Variants in LRRC4C observed in about 807,000 individuals in gnomAD.
LRRC4C encodes leucine rich repeat containing 4C, also known as leucine-rich repeat-containing protein 4C.
Under a neutral mutation model 33.6 loss-of-function variants are expected in LRRC4C, and 5 were observed. That is an observed-to-expected ratio of 0.15 (90% CI 0.08 to 0.31). LRRC4C has a LOEUF of 0.31. Among genes scored for constraint, LRRC4C ranks in the 10% least tolerant of loss-of-function variants. The pLI is 1.00. For missense variants in LRRC4C, 560 were observed against 796.7 expected, an observed-to-expected ratio of 0.70 and a Z score of 3.58; for synonymous variants, 329 against 302.0, an observed-to-expected ratio of 1.09 and a Z score of -0.93.
At chr11:40,766,353 T>TAAAAAA (rs60152534) in intron 2 of LRRC4C, among the ~76,000 whole-genome samples, 30 of 33,912 alleles carry the variant, frequency 8.8e-4, no homozygotes, top group Non-Finnish European at 1.1e-3. Flanking sequence ...TTCAGTCTGT[T>TAAAAAA]AAAAAAAAAA....
chr11:40,967,646 A>G (rs1228967594), intron 1 of LRRC4C, among the ~76,000 whole-genome samples: 1 of 151,902 alleles, frequency 6.6e-6, no homozygotes, highest in Non-Finnish European at 1.5e-5. Flanking sequence ...TACTATTTTA[A>G]TTGTTTTGTA....
chr11:40,185,888 C>A (rs4073824), intron 5 of LRRC4C, among the ~76,000 whole-genome samples: 6,845 of 152,160 alleles, frequency 0.045, 300 homozygotes, highest in South Asian at 0.17. Flanking sequence ...GTCCCTCCCC[C>A]TTCCCGTGGT....
At chr11:40,727,518 A>G (rs1051289536) in intron 2 of LRRC4C, among the ~76,000 whole-genome samples, 3 of 152,196 alleles carry the variant, frequency 2.0e-5, no homozygotes, top group African/African-American at 7.2e-5. Flanking sequence ...CAAAGCATTT[A>G]TAACTGGGTC....
Position 40,115,086 on chromosome 11 carries a change from T to G in LRRC4C, c.1207A>C (p.Ile403Leu). The change falls in exon 7 of 7, where the codon ATA (isoleucine) becomes CTA (leucine). Residue 403 changes from isoleucine to leucine, a missense_variant. This residue lies in a region of LRRC4C where 455 missense variants were observed against 643.8 expected (regional missense o/e 0.71). Coordinates refer to ENST00000528697, the MANE Select transcript of LRRC4C (RefSeq NM_001258419.2). The surrounding 1 kb of genome is among the most constrained non-coding windows in gnomAD (Gnocchi z 6.7). Reference protein sequence around the residue: ...VMTHGAYKVRIAVLSDGTLNF... With the variant: ...VMTHGAYKVRLAVLSDGTLNF... ...AACGTACCATCACTGAGCACAGCTA[T>G]CCGCACTTTGTACGCCCCATGTGTC... The G allele has an allele frequency of 6.2e-7, 1 of 1,614,220 alleles. No individual in the cohort carries two copies. Among genetic ancestry groups the G allele is most frequent in the African/African-American group, 1.3e-5 (1 of 75,068 alleles).
intron 1 of LRRC4C, among the ~76,000 whole-genome samples, chr11:41,295,089 T>C (rs1239572855): frequency 1.3e-5 from 2 of 152,218 alleles, no homozygotes; most frequent in East Asian, 3.8e-4. Flanking sequence ...TTCTGTGATC[T>C]ATCATGAGAA....
intron 1 of LRRC4C, among the ~76,000 whole-genome samples, chr11:40,944,929 C>T (rs1428316245): frequency 6.6e-6 from 1 of 151,906 alleles, no homozygotes; most frequent in Non-Finnish European, 1.5e-5. Flanking sequence ...TAGGTATTCT[C>T]ATGCCACTAT....
rs867261338 is a variant in LRRC4C, at chr11:41,304,463, G to A, written c.-496+154968C>T. Among the ~76,000 whole-genome samples, 439 of 91,878 alleles carry A rather than the reference G, an allele frequency of 4.8e-3. 2 individuals are homozygous for A. Among genetic ancestry groups the A allele is most frequent in the African/African-American group, 0.019 (419 of 21,908 alleles). 60.3% of individuals were successfully genotyped at this position (91,878 alleles called of 152,430 possible). A position where few individuals can be genotyped will look rare whatever the true frequency, so the allele number is the denominator to read the frequency against. On this transcript the variant is annotated intron_variant, in intron 1 of 6. Coordinates refer to ENST00000528697, the MANE Select transcript of LRRC4C (RefSeq NM_001258419.2). ...AGGTGAGGGGCGCCTCTGCCCGGCC[G>A]CCCCTACTGGGAAGTGAGGAGCCCC...
chr11:40,547,306 A>T (rs751887473), intron 3 of LRRC4C, among the ~76,000 whole-genome samples: 1 of 152,090 alleles, frequency 6.6e-6, no homozygotes, highest in Non-Finnish European at 1.5e-5. Context: ...TTCTAAAATC[A>T]TGGCACTGAA....
chr11:40,114,832 G>A lies in LRRC4C; in HGVS notation c.1461C>T (p.Thr487=), dbSNP rs142652482. The A allele has an allele frequency of 2.5e-6, 4 of 1,613,936 alleles. No individual in the cohort carries two copies. The highest frequency in any genetic ancestry group is 2.5e-6 in the Non-Finnish European group (3 of 1,179,988). ...GTGGTGTGAGAGAGGTGGTCACATT[G>A]GTGGTCTCCCAGTCGACCACTGGAG... ...GPTPVVDWET[T]NVTTSLTPQS... Residue 487 remains threonine, a synonymous_variant, in exon 7 of 7, where the codon ACC becomes ACT. Transcript: ENST00000528697.
At chr11:40,655,326 T>G (rs1044393588) in intron 2 of LRRC4C, among the ~76,000 whole-genome samples, 1 of 152,236 alleles carries the variant, frequency 6.6e-6, no homozygotes, top group African/African-American at 2.4e-5. Flanking sequence ...GCTATTTGAA[T>G]GATCAAGTGC....
At chr11:41,020,770 A>G (rs913482648) in intron 1 of LRRC4C, among the ~76,000 whole-genome samples, 1 of 150,608 alleles carries the variant, frequency 6.6e-6, no homozygotes, top group Non-Finnish European at 1.5e-5. Flanking sequence ...ACCCTATCTC[A>G]CTCTGTTCTT....
intron 3 of LRRC4C, among the ~76,000 whole-genome samples, chr11:40,373,226 T>C (rs1948528809): frequency 6.6e-6 from 1 of 152,072 alleles, no homozygotes; most frequent in Non-Finnish European, 1.5e-5. Flanking sequence ...ATTTGTAAGG[T>C]AATATAGGAA....
intron 3 of LRRC4C, among the ~76,000 whole-genome samples, chr11:40,578,530 C>T (rs1353952676): frequency 1.3e-5 from 2 of 152,048 alleles, no homozygotes; most frequent in African/African-American, 4.8e-5. Context: ...CATTCCTACA[C>T]ATATACCTGT....
At chr11:40,244,728 G>A (rs920963745) in intron 4 of LRRC4C, among the ~76,000 whole-genome samples, 2 of 151,926 alleles carry the variant, frequency 1.3e-5, no homozygotes, top group African/African-American at 4.8e-5. Flanking sequence ...TGGGCTAAGG[G>A]GAAGGTTTTT....
intron 1 of LRRC4C, among the ~76,000 whole-genome samples, chr11:41,253,403 C>A (rs1430084660): frequency 2.0e-5 from 3 of 152,094 alleles, no homozygotes; most frequent in African/African-American, 7.2e-5. Flanking sequence ...TAAACCTGTA[C>A]TTCTGAAGAC....
chr11:41,008,410 G>C (rs1267697829), intron 1 of LRRC4C, among the ~76,000 whole-genome samples: 12 of 152,086 alleles, frequency 7.9e-5, no homozygotes, highest in African/African-American at 2.9e-4. Context: ...ATTTGCTACA[G>C]GGTACACAGT....
At chr11:41,449,165 G>A (rs1239508457) in intron 1 of LRRC4C, among the ~76,000 whole-genome samples, 7 of 152,164 alleles carry the variant, frequency 4.6e-5, no homozygotes, top group East Asian at 3.9e-4. Context: ...ACTTAAAACC[G>A]TGTAAGTGTA....
chr11:40,919,558 T>C (rs1957092691), intron 2 of LRRC4C, among the ~76,000 whole-genome samples: 1 of 152,124 alleles, frequency 6.6e-6, no homozygotes, highest in Non-Finnish European at 1.5e-5. Context: ...TCTTCCAGCG[T>C]ATTCTGTGAT....
intron 2 of LRRC4C, among the ~76,000 whole-genome samples, chr11:40,769,444 A>C (rs1949646105): frequency 6.6e-6 from 1 of 152,148 alleles, no homozygotes; most frequent in Non-Finnish European, 1.5e-5. Context: ...CTACCAAAAC[A>C]CCAATGAAAT....
Sources: gnomAD v4.1 joint callset for allele counts (sites outside exome capture counted in the v4.1 genomes callset) on GRCh38, gnomAD v4.1.1 for gene constraint, gnomAD v4.1.1 regional missense constraint, Gnocchi (gnomAD v3.1) non-coding constraint, MANE v1.5 for transcripts, NCBI Gene and HGNC (gene_info 2026-07-23, HGNC 2026-07-21) for gene names.